Variants in SPTLC1 observed in about 807,000 individuals in gnomAD.
The protein encoded by SPTLC1 is serine palmitoyltransferase 1.
A neutral mutation model predicts 68.9 loss-of-function variants in SPTLC1; 55 were observed. The ratio of observed to expected loss-of-function variants is 0.80; its 90% CI spans 0.64 to 1.00. The LOEUF is 1.00. Among genes scored for constraint, SPTLC1 ranks in the 50% least tolerant of loss-of-function variants. SPTLC1 has a pLI of 0.00. For synonymous variants in SPTLC1, 197 were observed against 201.6 expected (o/e 0.98, Z 0.19); for missense variants, 449 against 573.1 (o/e 0.78, Z 2.21).
At chr9:92,070,462 T>G (rs1299266941) in intron 5 of SPTLC1, among the ~76,000 whole-genome samples, 2 of 152,240 alleles carry the variant, frequency 1.3e-5, no homozygotes, top group African/African-American at 4.8e-5. Flanking sequence ...CTGTTAGTAT[T>G]AAACACGGCA....
chr9:92,055,177 G>A, intron 8 of SPTLC1: 1 of 955,286 alleles, frequency 1.0e-6, no homozygotes, highest in Non-Finnish European at 1.2e-6. Flanking sequence ...AGTGAGCTGT[G>A]TTCACACCAC....
rs796865066 is a variant in SPTLC1 at position 92,100,114 on chromosome 9, C to CAA, written c.260+8624_260+8625dup. On this transcript the variant is annotated intron_variant, in intron 3 of 14. Coordinates refer to ENST00000262554, the MANE Select transcript of SPTLC1 (RefSeq NM_006415.4). ...AGAACAACATAAGCAAGTTTCTTAA[C>CAA]AAAAAAAAAAAAAAGGTAGGTCAGG... 1.9e-3 allele frequency among the ~76,000 whole-genome samples: 178 copies of CAA among 95,012 alleles called. 1 individual carries two copies. The highest frequency in any genetic ancestry group is 5.3e-3 in the African/African-American group (164 of 31,124). 62.3% of individuals were successfully genotyped at this position (95,012 alleles called of 152,430 possible).
intron 3 of SPTLC1, among the ~76,000 whole-genome samples, chr9:92,083,189 T>C (rs1268577219): frequency 2.0e-5 from 3 of 152,150 alleles, no homozygotes; most frequent in Non-Finnish European, 2.9e-5. Context: ...ATTTTGTAGG[T>C]TGCCTCTTCA....
Position 92,108,836 on chromosome 9 carries a change from T to A in SPTLC1, c.166-2A>T. ...CTCTTCAATCAGTTCTTCTTTTTCCTACAGGAGAAAAAGAATTAAAATACA... is the reference window on the plus strand; with the variant it reads ...CTCTTCAATCAGTTCTTCTTTTTCCAACAGGAGAAAAAGAATTAAAATACA... On this transcript the variant is annotated splice_acceptor_variant, in intron 2 of 14. Transcript: ENST00000262554. LOFTEE classifies it high-confidence loss of function. 2 of 1,586,074 alleles carry A rather than the reference T, an allele frequency of 1.3e-6. No homozygotes were observed. Among genetic ancestry groups the A allele is most frequent in the Non-Finnish European group, 1.7e-6 (2 of 1,161,656 alleles).
chr9:92,063,379 C>T (rs1834169789), intron 6 of SPTLC1, among the ~76,000 whole-genome samples: 1 of 152,064 alleles, frequency 6.6e-6, no homozygotes, highest in South Asian at 2.1e-4. Flanking sequence ...AATTAAGATA[C>T]TTGCAAAAAA....
intron 12 of SPTLC1, among the ~76,000 whole-genome samples, chr9:92,044,260 C>G (rs1224891077): frequency 1.3e-5 from 2 of 152,160 alleles, no homozygotes; most frequent in African/African-American, 2.4e-5. Flanking sequence ...ACAGACAAAG[C>G]CTTGAAGAGC....
At chr9:92,048,351 T>C (rs1409304108) in intron 9 of SPTLC1, among the ~76,000 whole-genome samples, 1 of 152,242 alleles carries the variant, frequency 6.6e-6, no homozygotes, top group Non-Finnish European at 1.5e-5. Flanking sequence ...ACAGTAGGCA[T>C]TCAATCATTA....
chr9:92,114,362 C>CT (rs1312893144), intron 1 of SPTLC1, among the ~76,000 whole-genome samples: 2 of 152,178 alleles, frequency 1.3e-5, no homozygotes, highest in Admixed American at 6.5e-5. Flanking sequence ...TGAATGAACA[C>CT]TAAGATTGAC....
chr9:92,101,841 A>T (rs1835766948), intron 3 of SPTLC1, among the ~76,000 whole-genome samples: 1 of 151,914 alleles, frequency 6.6e-6, no homozygotes, highest in African/African-American at 2.4e-5. Flanking sequence ...GAAGAGAAAC[A>T]GAGAAAAGAG....
rs186030357 is a variant in SPTLC1 at position 92,053,453 on chromosome 9, C to T, written c.780+1952G>A. On this transcript the variant is annotated intron_variant, in intron 8 of 14. Coordinates refer to ENST00000262554, the MANE Select transcript of SPTLC1 (RefSeq NM_006415.4). ...CTGAAAACAGGAATTCAAACAAATA[C>T]CTGTACACAAATGTTCACAACAGCA... Among the ~76,000 whole-genome samples the T allele has an allele frequency of 3.3e-5, 5 of 152,282 alleles. No homozygotes were observed. In the East Asian group the frequency reaches 5.8e-4, roughly 18 times the overall value.
At chr9:92,037,483 AAGGT>A (rs1466964386) in intron 13 of SPTLC1, among the ~76,000 whole-genome samples, 12 of 152,172 alleles carry the variant, frequency 7.9e-5, no homozygotes, top group Admixed American at 7.9e-4. Flanking sequence ...AGAGGGGTGC[AAGGT>A]GGGTGGCATC....
intron 12 of SPTLC1, among the ~76,000 whole-genome samples, chr9:92,045,524 TAAAAAAAAAAAA>T (rs71362367): frequency 0.038 from 1,212 of 31,664 alleles, 46 homozygotes; most frequent in African/African-American, 0.13. Flanking sequence ...TCTTGTGTAG[TAAAAAAAAAAAA>T]AAAAAAAAAA....
chr9:92,086,862 C>T (rs1269565862), intron 3 of SPTLC1, among the ~76,000 whole-genome samples: 4 of 152,184 alleles, frequency 2.6e-5, no homozygotes, highest in East Asian at 1.9e-4. Flanking sequence ...CCATTCTCCC[C>T]GTCACTTTCA....
intron 3 of SPTLC1, chr9:92,108,251 AAAAT>A (rs1347495425): frequency 6.0e-6 from 1 of 166,490 alleles, no homozygotes; most frequent in Non-Finnish European, 1.3e-5. Flanking sequence ...TGAAAAGTAA[AAAAT>A]AGATGAGACA....
chr9:92,051,861 G>A (rs909137524), intron 8 of SPTLC1, among the ~76,000 whole-genome samples: 1 of 152,042 alleles, frequency 6.6e-6, no homozygotes, highest in Non-Finnish European at 1.5e-5. Flanking sequence ...ATTTATAGTA[G>A]AATAAAAAAA....
rs571669150 is a variant in SPTLC1, at chr9:92,073,705, A to G, written c.428-5607T>C. Among the ~76,000 whole-genome samples, 6 of 152,336 alleles carry G rather than the reference A, an allele frequency of 3.9e-5. No homozygotes were observed. In the South Asian group the frequency reaches 6.2e-4, roughly 16 times the overall value. ...AATTAGAGTCTGGCCCTCAAACCCTATAACAGGAATTAATCAACCCTGCCT... is the reference window on the plus strand; with the variant it reads ...AATTAGAGTCTGGCCCTCAAACCCTGTAACAGGAATTAATCAACCCTGCCT... On this transcript the variant is annotated intron_variant, in intron 5 of 14. Coordinates refer to ENST00000262554, the MANE Select transcript of SPTLC1 (RefSeq NM_006415.4).
chr9:92,096,030 G>T (rs761387557), intron 3 of SPTLC1, among the ~76,000 whole-genome samples: 1 of 152,176 alleles, frequency 6.6e-6, no homozygotes, highest in Non-Finnish European at 1.5e-5. Context: ...GAAGGCAGGG[G>T]TGCCGTTCTG....
At chr9:92,052,924 G>A (rs181453500) in intron 8 of SPTLC1, among the ~76,000 whole-genome samples, 2 of 151,264 alleles carry the variant, frequency 1.3e-5, no homozygotes, top group East Asian at 3.9e-4. Flanking sequence ...AAAACTGTGT[G>A]TCAAAGGACA....
chr9:92,037,866 T>C (rs937382072), intron 13 of SPTLC1, among the ~76,000 whole-genome samples: 1 of 152,218 alleles, frequency 6.6e-6, no homozygotes, highest in Non-Finnish European at 1.5e-5. Context: ...ATGTGTGCTA[T>C]GCCCACACAC....
Sources: allele counts gnomAD v4.1 joint callset (sites outside exome capture counted in the v4.1 genomes callset), GRCh38; gene constraint gnomAD v4.1.1; transcripts MANE v1.5; gene names NCBI Gene and HGNC (gene_info 2026-07-23, HGNC 2026-07-21).